Variants in ARCN1 observed in about 807,000 individuals in gnomAD.
The protein encoded by ARCN1 is archain 1 coat protein complex I subunit delta, also known as coatomer subunit delta.
Under a neutral mutation model 60.4 loss-of-function variants are expected in ARCN1, and 5 were observed. The observed-to-expected ratio is 0.08, with a 90% confidence interval of 0.04 to 0.17. The LOEUF is 0.17. ARCN1 is among the 10% of genes least tolerant of loss of function. ARCN1 has a pLI of 1.00. For synonymous variants in ARCN1, 224 were observed against 220.0 expected, an observed-to-expected ratio of 1.02 and a Z score of -0.16; for missense variants, 464 against 626.5, an observed-to-expected ratio of 0.74 and a Z score of 2.77.
intron 1 of ARCN1, among the ~76,000 whole-genome samples, chr11:118,579,303 A>ATT (rs1938595646): frequency 6.6e-6 from 1 of 152,178 alleles, no homozygotes; most frequent in South Asian, 2.1e-4. Flanking sequence ...GATCCCAAAT[A>ATT]TAAGGGAATT....
chr11:118,574,465 A>G (rs1938435552), intron 1 of ARCN1, among the ~76,000 whole-genome samples: 1 of 152,174 alleles, frequency 6.6e-6, no homozygotes, highest in South Asian at 2.1e-4. Flanking sequence ...GTGAATACCC[A>G]TATAACCACC....
intron 1 of ARCN1, among the ~76,000 whole-genome samples, chr11:118,575,144 A>G (rs1378241284): frequency 6.6e-6 from 1 of 151,638 alleles, no homozygotes; most frequent in Non-Finnish European, 1.5e-5. Flanking sequence ...ACGCCCAACT[A>G]CTTTTTTGTA....
intron 2 of ARCN1, among the ~76,000 whole-genome samples, chr11:118,582,173 T>C (rs1466323920): frequency 6.6e-6 from 1 of 152,086 alleles, no homozygotes; most frequent in Non-Finnish European, 1.5e-5. Context: ...GTCTCGCTCT[T>C]GCCCTGGCTG....
At position 118,584,554 on chromosome 11, in the gene ARCN1, A is replaced by G. The variant is rs782534159; in HGVS notation, c.728A>G (p.Lys243Arg). The G allele has an allele frequency of 6.2e-7, 1 of 1,614,086 alleles. No homozygotes were observed. Among genetic ancestry groups the G allele is most frequent in the East Asian group, 2.2e-5 (1 of 44,862 alleles). Residue 243 changes from lysine to arginine, a missense_variant, in exon 5 of 10, where the codon AAA becomes AGA. Lys to Arg is a conservative substitution (Grantham distance 26). Around this residue, in one of 2 missense-constraint regions of ARCN1, gnomAD observed 359 missense variants for 440.2 expected, o/e 0.82. Transcript: ENST00000264028. ...GTAGATAACTTTGTGGACAAATTAA[A>G]ATCTGAAGGTGAAACCATCATGTCC... ...KEVDNFVDKL[K>R]SEGETIMSSS...
At position 118,594,569 on chromosome 11, in the gene ARCN1, G is replaced by T. The variant is rs185022597; in HGVS notation, c.1241+871G>T. On this transcript the variant is annotated intron_variant, in intron 8 of 9. Coordinates refer to ENST00000264028, the MANE Select transcript of ARCN1 (RefSeq NM_001655.5). ...TTATTTATTTTTTATTTTTATTGGA[G>T]ACTGAGTTTCACTCTTGTTGCCCAG... Among the ~76,000 whole-genome samples the T allele has an allele frequency of 7.4e-3, 1,120 of 152,108 alleles. 9 individuals carry two copies. The highest frequency in any genetic ancestry group is 0.024 in the Middle Eastern group (7 of 294).
In ARCN1 at chr11:118,581,931, CAG is replaced by C. The variant is rs782521641; in HGVS notation, c.267+424_267+425del. On this transcript the variant is annotated intron_variant, in intron 2 of 9. Transcript: ENST00000264028. ...ACTTACTGATCCAGAGACAGACAGA[CAG>C]ACAGACACACACACACACACACACA... 4.5e-4 allele frequency among the ~76,000 whole-genome samples: 64 copies of C among 140,780 alleles called. 2 individuals carry two copies. The East Asian group carries it at 7.4e-3, about 16-fold the overall frequency. 92.4% of individuals were successfully genotyped at this position (140,780 alleles called of 152,430 possible).
At chr11:118,581,967 C>CACACACACACACACACACACACACACA (rs1591383666) in intron 2 of ARCN1, among the ~76,000 whole-genome samples, 4 of 150,356 alleles carry the variant, frequency 2.7e-5, no homozygotes, top group Non-Finnish European at 4.4e-5. Context: ...CACACACACA[C>CACACACACACACACACACACACACACA]CTTTTAAGAC....
chr11:118,573,544 T>C, intron 1 of ARCN1: 1 of 546,686 alleles, frequency 1.8e-6, no homozygotes, highest in Non-Finnish European at 3.3e-6. Context: ...TAGTAATTTA[T>C]TTTTCAGTGC....
At chr11:118,574,999 A>G (rs956400276) in intron 1 of ARCN1, among the ~76,000 whole-genome samples, 4 of 152,018 alleles carry the variant, frequency 2.6e-5, no homozygotes, top group Non-Finnish European at 5.9e-5. Context: ...TTGGTTTTCG[A>G]GACGGATTCT....
At chr11:118,573,593 T>A in intron 1 of ARCN1, 1 of 687,042 alleles carries the variant, frequency 1.5e-6, no homozygotes, top group Non-Finnish European at 2.7e-6. Context: ...TGTTCTGTTC[T>A]GTTCTTTTTT....
intron 8 of ARCN1, among the ~76,000 whole-genome samples, chr11:118,597,248 C>T (rs1555077326): frequency 6.6e-6 from 1 of 152,152 alleles, no homozygotes; most frequent in Non-Finnish European, 1.5e-5. Flanking sequence ...CAAAGGCCTC[C>T]ATTCATCTCC....
At chr11:118,594,136 CA>C (rs1427091371) in intron 8 of ARCN1, 12 of 154,788 alleles carry the variant, frequency 7.8e-5, no homozygotes, top group Non-Finnish European at 7.2e-5. Flanking sequence ...GACAGAGTCT[CA>C]CTCTGTCACT....
rs782369486 is a variant in ARCN1, at chr11:118,592,766, A to C, written c.1042A>C (p.Asn348His). The C allele has an allele frequency of 1.7e-5, 27 of 1,613,958 alleles. No homozygotes were observed. The highest frequency in any genetic ancestry group is 2.2e-5 in the Non-Finnish European group (26 of 1,179,968). The change falls in exon 7 of 10, where the codon AAT (asparagine) becomes CAT (histidine). Residue 348 changes from asparagine to histidine, a missense_variant. Coordinates refer to ENST00000264028, the MANE Select transcript of ARCN1 (RefSeq NM_001655.5). ...TGCAGAGTCTCTAATTGGCCTGAAG[A>C]ATCCAGAGAAGTCATTTCCAGTCAA... ...FTAESLIGLK[N>H]PEKSFPVNSD...
chr11:118,572,487 AG>A lies in ARCN1; in HGVS notation c.-60del. On this transcript the variant is annotated 5_prime_UTR_variant, in exon 1 of 10. Transcript: ENST00000264028. ...AGAGCTGCTGGTGCTCCCGTTCCCC[AG>A]ACCCTACCCCTATCCCCAGTGGAGC... 1 of 1,596,186 alleles carries A rather than the reference AG, an allele frequency of 6.3e-7. No homozygotes were observed. Among genetic ancestry groups the A allele is most frequent in the East Asian group, 2.3e-5 (1 of 44,042 alleles).
chr11:118,581,455 C>A lies in ARCN1; in HGVS notation c.213C>A (p.Thr71=). 1 of 1,614,166 alleles carries A rather than the reference C, an allele frequency of 6.2e-7. No homozygotes were observed. Among genetic ancestry groups the A allele is most frequent in the South Asian group, 1.1e-5 (1 of 91,088 alleles). The change falls in exon 2 of 10, where the codon ACC becomes ACA. Residue 71 remains threonine, a synonymous_variant. Coordinates refer to ENST00000264028, the MANE Select transcript of ARCN1 (RefSeq NM_001655.5). Reference sequence around the variant, plus strand: ...AACTGTATATGGTACTGATCACTACCAAAAACAGCAACATTTTAGAAGATT... The same window carrying A: ...AACTGTATATGGTACTGATCACTACAAAAAACAGCAACATTTTAGAAGATT... ...MEKLYMVLIT[T]KNSNILEDLE...
chr11:118,598,574 A>C (rs1939081237), intron 9 of ARCN1, among the ~76,000 whole-genome samples: 1 of 146,518 alleles, frequency 6.8e-6, no homozygotes, highest in Non-Finnish European at 1.5e-5. Context: ...AGCTCACCGC[A>C]ACCTCCGCCT....
rs374047809 is a variant in ARCN1 at position 118,582,527 on chromosome 11, C to T, written c.268-652C>T. 6.4e-3 allele frequency among the ~76,000 whole-genome samples: 969 copies of T among 150,446 alleles called. 11 individuals carry two copies. The highest frequency in any genetic ancestry group is 0.021 in the African/African-American group (863 of 41,016). On this transcript the variant is annotated intron_variant, in intron 2 of 9. Transcript: ENST00000264028. ...ATCACCTGAGGTCAGAAGTTTGAGACCAGCCTGACCAACGTGGTGAAACCT... is the reference window on the plus strand; with the variant it reads ...ATCACCTGAGGTCAGAAGTTTGAGATCAGCCTGACCAACGTGGTGAAACCT...
intron 8 of ARCN1, among the ~76,000 whole-genome samples, chr11:118,596,934 G>C (rs1490538255): frequency 2.0e-5 from 3 of 152,206 alleles, no homozygotes; most frequent in Non-Finnish European, 4.4e-5. Context: ...TCTCGGCCGG[G>C]TGCGGTGGCT....
intron 9 of ARCN1, 142 bp downstream of exon 9, chr11:118,598,053 T>G: frequency 1.4e-6 from 1 of 735,662 alleles, no homozygotes; most frequent in Non-Finnish European, 2.2e-6. Context: ...GAATTCCCTT[T>G]CTAATTCATT....
Sources: gnomAD v4.1 joint callset for allele counts (sites outside exome capture counted in the v4.1 genomes callset) on GRCh38, gnomAD v4.1.1 for gene constraint, gnomAD v4.1.1 regional missense constraint, MANE v1.5 for transcripts, NCBI Gene and HGNC (gene_info 2026-07-23, HGNC 2026-07-21) for gene names.